The following SPMIP6 variants were observed in gnomAD, a reference collection of about 807,000 sequenced individuals.
SPMIP6 encodes the protein sperm microtubule inner protein 6, also known as ciliated bronchial epithelial protein 1.
chr9:34,385,759 C>T, the SPMIP6 span: 21,329 of 1,613,524 alleles, frequency 0.013, 147 homozygotes, highest in Non-Finnish European at 0.016. Flanking sequence ...ATCCACATGT[C>T]GCTCCATGGT....
the SPMIP6 span, chr9:34,397,601 A>G: frequency 6.2e-7 from 1 of 1,612,706 alleles, no homozygotes; most frequent in South Asian, 1.1e-5. Context: ...AGGTACTGAT[A>G]GGGGTCCTGG....
chr9:34,379,859 C>G, the SPMIP6 span: 1 of 672,808 alleles, frequency 1.5e-6, no homozygotes, highest in South Asian at 1.8e-5. The surrounding 1 kb of genome is among the most constrained non-coding windows in gnomAD (Gnocchi z 4.2). Flanking sequence ...TCCTCTCCTT[C>G]TTCCTCACCC....
chr9:34,379,497 G>A, the SPMIP6 span: 2 of 763,966 alleles, frequency 2.6e-6, no homozygotes, highest in South Asian at 1.5e-5. The surrounding 1 kb of genome is among the most constrained non-coding windows in gnomAD (Gnocchi z 4.2). Context: ...ACCTTTGACT[G>A]CTCCATGCCA....
chr9:34,383,017 G>A, the SPMIP6 span: 3 of 644,216 alleles, frequency 4.7e-6, no homozygotes, highest in Non-Finnish European at 8.4e-6. Context: ...GCCCAGCCGG[G>A]CCTACACTTG....
chr9:34,394,149 T>C, the SPMIP6 span, among the ~76,000 whole-genome samples: 1 of 152,164 alleles, frequency 6.6e-6, no homozygotes, highest in African/African-American at 2.4e-5. Flanking sequence ...TAAAAAATCA[T>C]AATTATTCTA....
At chr9:34,391,078 T>C in the SPMIP6 span, among the ~76,000 whole-genome samples, 8 of 152,258 alleles carry the variant, frequency 5.3e-5, no homozygotes, top group African/African-American at 1.9e-4. Context: ...CTGGGTGTTT[T>C]CTTTGTGGAA....
At chr9:34,383,459 T>A in the SPMIP6 span, among the ~76,000 whole-genome samples, 19 of 152,150 alleles carry the variant, frequency 1.2e-4, 1 homozygote, top group South Asian at 1.2e-3. Flanking sequence ...GGGAGGCAGA[T>A]GTTTCAGTGA....
At chr9:34,381,036 C>T in the SPMIP6 span, 2 of 1,611,552 alleles carry the variant, frequency 1.2e-6, no homozygotes, top group East Asian at 2.2e-5. This position sits in a 1 kb window ranked among gnomAD's most constrained non-coding sequence, Gnocchi z 4.4. Flanking sequence ...GGCAGGCGGC[C>T]GGGCAGCGGG....
At chr9:34,397,061 A>G in the SPMIP6 span, among the ~76,000 whole-genome samples, 9 of 152,186 alleles carry the variant, frequency 5.9e-5, no homozygotes, top group Non-Finnish European at 8.8e-5. Context: ...AGGCAGCCTC[A>G]GGGCCTTTGC....
chr9:34,397,366 T>C, the SPMIP6 span: 1 of 1,009,546 alleles, frequency 9.9e-7, no homozygotes, highest in Non-Finnish European at 1.5e-6. Context: ...CATACCATTG[T>C]AAATTCTGTG....
the SPMIP6 span, chr9:34,379,643 T>TA: frequency 6.2e-7 from 1 of 1,613,410 alleles, no homozygotes; most frequent in Non-Finnish European, 8.5e-7. This position sits in a 1 kb window ranked among gnomAD's most constrained non-coding sequence, Gnocchi z 4.2. Context: ...GCGTTAGACT[T>TA]ACCTAAGGTT....
the SPMIP6 span, among the ~76,000 whole-genome samples, chr9:34,396,362 AT>A: frequency 2.0e-5 from 3 of 151,934 alleles, no homozygotes; most frequent in Non-Finnish European, 4.4e-5. Flanking sequence ...TCCTTTTTTC[AT>A]TGTGACAATC....
At chr9:34,395,082 C>A in the SPMIP6 span, among the ~76,000 whole-genome samples, 1 of 151,920 alleles carries the variant, frequency 6.6e-6, no homozygotes, top group Non-Finnish European at 1.5e-5. Context: ...TCTATCTCAG[C>A]CTCCCGAGTA....
At chr9:34,383,645 C>A in the SPMIP6 span, among the ~76,000 whole-genome samples, 2 of 152,218 alleles carry the variant, frequency 1.3e-5, no homozygotes, top group Non-Finnish European at 2.9e-5. Context: ...ATACCTATCT[C>A]TGCAGATAGA....
chr9:34,391,428 C>CACA, the SPMIP6 span, among the ~76,000 whole-genome samples: 1 of 152,124 alleles, frequency 6.6e-6, no homozygotes, highest in Non-Finnish European at 1.5e-5. Context: ...CTCCATTCTT[C>CACA]TATTTTTCAC....
the SPMIP6 span, chr9:34,385,553 A>AAG: frequency 9.2e-7 from 1 of 1,082,844 alleles, no homozygotes; most frequent in Non-Finnish European, 1.3e-6. Context: ...AAAAAAAAAA[A>AAG]AAAAAAAGGA....
chr9:34,393,014 G>A, the SPMIP6 span, among the ~76,000 whole-genome samples: 1 of 152,156 alleles, frequency 6.6e-6, no homozygotes, highest in African/African-American at 2.4e-5. Context: ...ATCTTCAGAG[G>A]GTAAAAATGG....
the SPMIP6 span, among the ~76,000 whole-genome samples, chr9:34,389,317 G>A: frequency 6.6e-6 from 1 of 152,260 alleles, no homozygotes; most frequent in East Asian, 1.9e-4. Flanking sequence ...CATACTCTCA[G>A]ATAATGGAGA....
At chr9:34,394,591 A>G in the SPMIP6 span, among the ~76,000 whole-genome samples, 1 of 152,046 alleles carries the variant, frequency 6.6e-6, no homozygotes, top group South Asian at 2.1e-4. Flanking sequence ...GCTCATGTTT[A>G]ATTGGCCGTT....
Sources: allele counts gnomAD v4.1 joint callset (sites outside exome capture counted in the v4.1 genomes callset), GRCh38; gene constraint gnomAD v4.1.1; non-coding constraint Gnocchi (gnomAD v3.1); transcripts MANE v1.5; gene names NCBI Gene and HGNC (gene_info 2026-07-23, HGNC 2026-07-21).